U2AF2: variants seen among roughly 807,000 people sequenced by gnomAD.
U2AF2 encodes the protein U2 small nuclear RNA auxiliary factor 2, also known as splicing factor U2AF 65 kDa subunit.
In U2AF2, 6 loss-of-function variants were observed where a neutral mutation model predicts 52.6. The observed-to-expected ratio is 0.11, with a 90% CI of 0.06 to 0.23. The LOEUF (loss-of-function observed/expected upper bound fraction) is 0.23. U2AF2 is among the 10% of genes least tolerant of loss of function. The pLI is 1.00. For missense variants in U2AF2, 222 were observed against 677.1 expected (o/e 0.33, Z 7.46); for synonymous variants, 284 against 258.2 (o/e 1.10, Z -0.96).
In U2AF2 at chr19:55,668,482, A is replaced by G. The variant is rs1189860663; in HGVS notation, c.743-25A>G. ...GGGAGATAACCTGGTACTGGAATTG[A>G]AGTCCTCCTCTTCTCTACCCATAGG... On this transcript the variant is annotated intron_variant, in intron 7 of 11. Transcript: ENST00000308924. This position sits in a 1 kb window ranked among gnomAD's most constrained non-coding sequence, Gnocchi z 5.5. The G allele has an allele frequency of 5.2e-6, 8 of 1,551,296 alleles. No homozygotes were observed. In the Admixed American group the frequency reaches 7.7e-5, roughly 15 times the overall value.
intron 1 of U2AF2, among the ~76,000 whole-genome samples, chr19:55,656,831 A>G (rs1983825990): frequency 6.6e-6 from 1 of 152,212 alleles, no homozygotes; most frequent in African/African-American, 2.4e-5. Flanking sequence ...GCAGTAAGCG[A>G]TATTTGCAAT....
chr19:55,670,543 G>T, intron 11 of U2AF2: 1 of 344,448 alleles, frequency 2.9e-6, no homozygotes, highest in Non-Finnish European at 5.6e-6. Flanking sequence ...CCTGCACCCT[G>T]CTGTCCGTGC....
chr19:55,655,145 A>G lies in U2AF2; in HGVS notation c.41A>G (p.Asn14Ser). 1 of 1,604,820 alleles carries G rather than the reference A, an allele frequency of 6.2e-7. No individual in the cohort carries two copies. The change falls in exon 1 of 12, where the codon AAT becomes AGT. Residue 14 changes from asparagine (N) to serine (S), a missense_variant. Physicochemically the swap from Asn to Ser is conservative, Grantham distance 46. This residue lies in a region of U2AF2 where 100 missense variants were observed against 144.1 expected (regional missense o/e 0.69). Transcript: ENST00000308924. Reference sequence around the variant, plus strand: ...GAGTTCGAGCGGCAGCTCAACGAGAATAAACAAGGTGAGGGCACCGGGGTC... The same window carrying G: ...GAGTTCGAGCGGCAGCTCAACGAGAGTAAACAAGGTGAGGGCACCGGGGTC... The part of the protein sequence containing the change: ...FDEFERQLNE[N>S]KQERDKENRH...
intron 11 of U2AF2, among the ~76,000 whole-genome samples, chr19:55,669,978 G>A (rs1462401691): frequency 6.6e-6 from 1 of 152,140 alleles, no homozygotes; most frequent in Non-Finnish European, 1.5e-5. Flanking sequence ...GCTCTGTATC[G>A]CTGTAGAACT....
In U2AF2 at chr19:55,673,923, T is replaced by C. The variant is rs762835839; in HGVS notation, c.1294-11T>C. The stretch of plus-strand genomic sequence containing the variant: ...GCCTTGTTCACAAACCTGCCTCTCC[T>C]TTCCCCACAGATCTTTGTGGAGTTC... On this transcript the variant is annotated splice_polypyrimidine_tract_variant and intron_variant, in intron 11 of 11. Coordinates refer to ENST00000308924, the MANE Select transcript of U2AF2 (RefSeq NM_007279.3). 5 of 1,606,916 alleles carry C rather than the reference T, an allele frequency of 3.1e-6. No homozygotes were observed. The highest frequency in any genetic ancestry group is 2.6e-6 in the Non-Finnish European group (3 of 1,175,816).
intron 7 of U2AF2, among the ~76,000 whole-genome samples, chr19:55,664,772 C>T (rs1484720573): frequency 6.6e-6 from 1 of 152,174 alleles, no homozygotes; most frequent in Non-Finnish European, 1.5e-5. Flanking sequence ...GGCTGGAATG[C>T]AGTGGCACGA....
chr19:55,661,499 GACACACAC>G (rs59262812), intron 5 of U2AF2, among the ~76,000 whole-genome samples: 29,713 of 144,774 alleles, frequency 0.21, 3,098 homozygotes, highest in South Asian at 0.27. Flanking sequence ...GGGAGACTTG[GACACACAC>G]ACACACACAC....
At chr19:55,664,525 T>A (rs1202160045) in intron 7 of U2AF2, among the ~76,000 whole-genome samples, 3 of 152,158 alleles carry the variant, frequency 2.0e-5, no homozygotes, top group Non-Finnish European at 4.4e-5. Flanking sequence ...TGATGCCCTG[T>A]CAGGGTGCGG....
chr19:55,673,544 A>G (rs1363357222), intron 11 of U2AF2, among the ~76,000 whole-genome samples: 3 of 152,054 alleles, frequency 2.0e-5, no homozygotes, highest in African/African-American at 7.2e-5. Context: ...TAGTTCACTT[A>G]TTGTTGGGAG....
intron 2 of U2AF2, 49 bp from the exon 3 acceptor site, chr19:55,660,128 C>A (rs778498417): frequency 3.2e-6 from 5 of 1,568,758 alleles, no homozygotes; most frequent in Non-Finnish European, 4.4e-6. Flanking sequence ...GTGGGGAAGA[C>A]GAGGGTCCCC....
At position 55,669,325 on chromosome 19, in the gene U2AF2, G is replaced by C. The variant is rs1184152935; in HGVS notation, c.1045-119G>C. On this transcript the variant is annotated intron_variant, in intron 10 of 11. Transcript: ENST00000308924. ...TGCAGTGTTGGGGAGTCGGGCTTTAGGTGTTGGAAGTGGAGAGATGGCCTT... is the reference window on the plus strand; with the variant it reads ...TGCAGTGTTGGGGAGTCGGGCTTTACGTGTTGGAAGTGGAGAGATGGCCTT... 1.4e-5 allele frequency: 21 copies of C among 1,543,950 alleles called. No homozygotes were observed. The East Asian group carries it at 3.4e-4, about 25-fold the overall frequency.
chr19:55,662,903 A>ACT (rs1244696129), intron 6 of U2AF2, among the ~76,000 whole-genome samples: 1 of 152,034 alleles, frequency 6.6e-6, no homozygotes, highest in Non-Finnish European at 1.5e-5. Context: ...CTCTGGCCAC[A>ACT]CTGACCTTCC....
chr19:55,660,706 A>AG (rs1429211494), intron 4 of U2AF2, 87 bp downstream of exon 4: 1 of 1,298,096 alleles, frequency 7.7e-7, no homozygotes, highest in Non-Finnish European at 1.1e-6. Flanking sequence ...GTGTGCTTGG[A>AG]GGGGGTCAAA....
Position 55,655,052 on chromosome 19 carries a change from C to T in U2AF2, c.-53C>T, listed in dbSNP as rs1370189055. The T allele has an allele frequency of 6.3e-6, 10 of 1,596,740 alleles. No homozygotes were observed. Among genetic ancestry groups the T allele is most frequent in the African/African-American group, 1.4e-5 (1 of 73,262 alleles). On this transcript the variant is annotated 5_prime_UTR_variant, in exon 1 of 12. Coordinates refer to ENST00000308924, the MANE Select transcript of U2AF2 (RefSeq NM_007279.3). ...GCGGAAGTAGCCGAAGCGGCTGGAG[C>T]GGGCGGCAAGGCGAGGCGAAAGCTG...
intron 11 of U2AF2, among the ~76,000 whole-genome samples, chr19:55,671,107 C>CTGTTTT (rs1001904826): frequency 3.5e-4 from 53 of 152,066 alleles, no homozygotes; most frequent in Admixed American, 2.5e-3. Context: ...GAAAACAGGA[C>CTGTTTT]TGTGGTGGTG....
In U2AF2 at chr19:55,668,239, C is replaced by T. The variant is rs990848020; in HGVS notation, c.743-268C>T. Among the ~76,000 whole-genome samples, 9 of 152,060 alleles carry T rather than the reference C, an allele frequency of 5.9e-5. No homozygotes were observed. Among genetic ancestry groups the T allele is most frequent in the African/African-American group, 2.2e-4 (9 of 41,380 alleles). ...GTGAACTTTGTGCCTTTGGAGCGTT[C>T]TGGAGGATGTTCTAGTTTGAGGTTC... On this transcript the variant is annotated intron_variant, in intron 7 of 11. Transcript: ENST00000308924. This position sits in a 1 kb window ranked among gnomAD's most constrained non-coding sequence, Gnocchi z 5.5.
At chr19:55,672,477 G>T (rs1380073404) in intron 11 of U2AF2, among the ~76,000 whole-genome samples, 2 of 152,088 alleles carry the variant, frequency 1.3e-5, no homozygotes, top group East Asian at 3.9e-4. Flanking sequence ...TGCGTTGTAG[G>T]ATATTGAGAT....
chr19:55,672,947 A>ATTT (rs879660112), intron 11 of U2AF2, among the ~76,000 whole-genome samples: 1 of 132,412 alleles, frequency 7.6e-6, no homozygotes, highest in Non-Finnish European at 1.6e-5. Context: ...CCGGCCAATA[A>ATTT]TTTTTTTTTT....
In U2AF2 at chr19:55,668,366, G is replaced by C. The variant is rs1347928636; in HGVS notation, c.743-141G>C. 13 of 739,412 alleles carry C rather than the reference G, an allele frequency of 1.8e-5. No individual in the cohort carries two copies. Among genetic ancestry groups the C allele is most frequent in the Non-Finnish European group, 2.6e-5 (12 of 462,662 alleles). 45.8% of individuals were successfully genotyped at this position (739,412 alleles called of 1,614,324 possible). ...CACTGGTCAGATAAGGCTGGGGTGG[G>C]GTGGGCACGTGGCGACCCCTCCCTC... is the stretch of plus-strand genomic sequence containing the variant. On this transcript the variant is annotated intron_variant, in intron 7 of 11. Coordinates refer to ENST00000308924, the MANE Select transcript of U2AF2 (RefSeq NM_007279.3). The surrounding 1 kb of genome is among the most constrained non-coding windows in gnomAD (Gnocchi z 5.5).
Sources: allele counts gnomAD v4.1 joint callset (sites outside exome capture counted in the v4.1 genomes callset), GRCh38; gene constraint gnomAD v4.1.1; regional missense constraint gnomAD v4.1.1; non-coding constraint Gnocchi (gnomAD v3.1); transcripts MANE v1.5; gene names NCBI Gene and HGNC (gene_info 2026-07-23, HGNC 2026-07-21).